The following NUDCD1 variants were observed in gnomAD, a reference collection of about 807,000 sequenced individuals.
The protein encoded by NUDCD1 is NudC domain containing 1, also known as nudC domain-containing protein 1.
NUDCD1 carries 60 observed loss-of-function variants against 67.8 expected under a neutral mutation model. That is an observed-to-expected ratio of 0.88 (90% CI 0.72 to 1.10). The LOEUF is 1.10. Among genes scored for constraint, NUDCD1 ranks in the 50% least tolerant of loss-of-function variants. NUDCD1 has a pLI of 0.00. For synonymous variants in NUDCD1, 244 were observed against 230.8 expected, an observed-to-expected ratio of 1.06 and a Z score of -0.52; for missense variants, 643 against 695.0, an observed-to-expected ratio of 0.93 and a Z score of 0.84.
intron 2 of NUDCD1, among the ~76,000 whole-genome samples, chr8:109,312,035 G>A (rs1408484443): frequency 1.3e-5 from 2 of 152,112 alleles, no homozygotes; most frequent in Admixed American, 1.3e-4. Context: ...GGGCGCGGTG[G>A]CTCATGCCTA....
chr8:109,270,090 A>AGGGGGGGGGGGGGGGGGGGAGGGG (rs1563665962), intron 8 of NUDCD1, among the ~76,000 whole-genome samples: 1 of 7,612 alleles, frequency 1.3e-4, no homozygotes, highest in Non-Finnish European at 2.5e-4. Flanking sequence ...GGGTGCCTTA[A>AGGGGGGGGGGGGGGGGGGGAGGGG]GGTGGGGTGT....
intron 8 of NUDCD1, among the ~76,000 whole-genome samples, chr8:109,260,787 T>C (rs1241131866): frequency 2.0e-5 from 3 of 152,204 alleles, no homozygotes; most frequent in African/African-American, 7.2e-5. Flanking sequence ...ATCACATAAA[T>C]TGCAATATTT....
chr8:109,265,580 T>C (rs1426744874), intron 8 of NUDCD1, among the ~76,000 whole-genome samples: 1 of 152,188 alleles, frequency 6.6e-6, no homozygotes, highest in Non-Finnish European at 1.5e-5. Flanking sequence ...GATGAGTTTA[T>C]TTAAAAGTTA....
At position 109,286,066 on chromosome 8, in the gene NUDCD1, A is replaced by G. The variant is rs1016635515; in HGVS notation, c.823+3685T>C. On this transcript the variant is annotated intron_variant, in intron 5 of 9. Coordinates refer to ENST00000239690, the MANE Select transcript of NUDCD1 (RefSeq NM_032869.4). The stretch of plus-strand genomic sequence containing the variant: ...TTTACTGTAGCTGCCAATAATAATA[A>G]TAATAATAAAATACCTAGGAATTCA... Among the ~76,000 whole-genome samples, 3 of 152,156 alleles carry G rather than the reference A, an allele frequency of 2.0e-5. No individual in the cohort carries two copies. The South Asian group carries it at 6.2e-4, about 32-fold the overall frequency.
At chr8:109,285,857 G>A (rs1814563084) in intron 5 of NUDCD1, among the ~76,000 whole-genome samples, 1 of 151,996 alleles carries the variant, frequency 6.6e-6, no homozygotes, top group Admixed American at 6.6e-5. Flanking sequence ...ATTAGGAAAA[G>A]TCAAACTTTG....
rs372318171 is a variant in NUDCD1, at chr8:109,333,088, G to A, written c.118+805C>T. On this transcript the variant is annotated intron_variant, in intron 1 of 9. Transcript: ENST00000239690. ...AGGACGTAACACAAAACAGGTACTC[G>A]GTAAATATTTCTGAATTTAATAAAT... is the stretch of plus-strand genomic sequence containing the variant. Among the ~76,000 whole-genome samples the A allele has an allele frequency of 5.3e-5, 8 of 152,206 alleles. 1 individual carries two copies. Among genetic ancestry groups the A allele is most frequent in the African/African-American group, 2.4e-5 (1 of 41,514 alleles).
At position 109,245,756 on chromosome 8, in the gene NUDCD1, A is replaced by G. The variant is rs550654301; in HGVS notation, c.1300-275T>C. On this transcript the variant is annotated intron_variant, in intron 8 of 9. Coordinates refer to ENST00000239690, the MANE Select transcript of NUDCD1 (RefSeq NM_032869.4). ...GAGCTGAAATTTGGACCCAGAGTCT[A>G]TGTTCTTAATCACCACGTGATATAC... 2.5e-4 allele frequency among the ~76,000 whole-genome samples: 38 copies of G among 152,302 alleles called. 1 individual carries two copies. In the South Asian group the frequency reaches 5.8e-3, roughly 23 times the overall value.
At chr8:109,249,756 G>T (rs759295616) in intron 8 of NUDCD1, among the ~76,000 whole-genome samples, 1 of 151,674 alleles carries the variant, frequency 6.6e-6, no homozygotes, top group Non-Finnish European at 1.5e-5. Context: ...AAACAAACTA[G>T]TCAATTTTTT....
intron 4 of NUDCD1, among the ~76,000 whole-genome samples, chr8:109,292,265 CAA>C (rs1563674237): frequency 6.6e-6 from 1 of 151,902 alleles, no homozygotes; most frequent in African/African-American, 2.4e-5. Flanking sequence ...ACTGGGATTT[CAA>C]AAAAGTTTTC....
At chr8:109,307,553 C>T (rs1278270178) in intron 2 of NUDCD1, among the ~76,000 whole-genome samples, 1 of 152,132 alleles carries the variant, frequency 6.6e-6, no homozygotes, top group Non-Finnish European at 1.5e-5. Context: ...ATAAATCACA[C>T]AGGACCTATG....
chr8:109,305,575 A>G (rs1815084796), intron 2 of NUDCD1, among the ~76,000 whole-genome samples: 1 of 152,156 alleles, frequency 6.6e-6, no homozygotes, highest in African/African-American at 2.4e-5. Flanking sequence ...TCGAGATACT[A>G]CAGGGTACAA....
At chr8:109,250,506 T>C (rs149983438) in intron 8 of NUDCD1, among the ~76,000 whole-genome samples, 4,948 of 152,314 alleles carry the variant, frequency 0.032, 99 homozygotes, top group Middle Eastern at 0.11. Context: ...ACTGCCTACC[T>C]GGGACTCCCA....
At chr8:109,289,095 C>A (rs1200796636) in intron 5 of NUDCD1, among the ~76,000 whole-genome samples, 3 of 151,922 alleles carry the variant, frequency 2.0e-5, no homozygotes, top group Non-Finnish European at 2.9e-5. Flanking sequence ...CCTGCCTCAG[C>A]CTCCCAAGTA....
chr8:109,265,777 T>C (rs1045705764), intron 8 of NUDCD1, among the ~76,000 whole-genome samples: 4 of 152,124 alleles, frequency 2.6e-5, no homozygotes, highest in African/African-American at 7.2e-5. Flanking sequence ...TCTAGATCCC[T>C]TGCATGCACA....
chr8:109,317,975 A>T (rs1012915455), intron 2 of NUDCD1, among the ~76,000 whole-genome samples: 1 of 152,234 alleles, frequency 6.6e-6, no homozygotes, highest in African/African-American at 2.4e-5. Context: ...TATAACATAT[A>T]AGTTACCTGA....
intron 2 of NUDCD1, among the ~76,000 whole-genome samples, chr8:109,319,804 C>G (rs1815488609): frequency 6.6e-6 from 1 of 152,122 alleles, no homozygotes. Flanking sequence ...CATCAGGGAG[C>G]CTGCCCCAAT....
At chr8:109,257,263 A>T (rs1011618039) in intron 8 of NUDCD1, among the ~76,000 whole-genome samples, 14 of 152,174 alleles carry the variant, frequency 9.2e-5, no homozygotes, top group Non-Finnish European at 2.1e-4. Context: ...TATCTACAAT[A>T]AAGTAACTGG....
At chr8:109,304,385 G>C (rs938778635) in intron 2 of NUDCD1, among the ~76,000 whole-genome samples, 3 of 151,990 alleles carry the variant, frequency 2.0e-5, no homozygotes, top group Non-Finnish European at 2.9e-5. Context: ...GATCACACTT[G>C]GTTTATTGAT....
At chr8:109,303,011 C>T (rs1815025128) in intron 2 of NUDCD1, among the ~76,000 whole-genome samples, 1 of 152,166 alleles carries the variant, frequency 6.6e-6, no homozygotes, top group South Asian at 2.1e-4. Context: ...TCCAGCACAC[C>T]AAAACTTCAA....
Sources: allele counts gnomAD v4.1 joint callset (sites outside exome capture counted in the v4.1 genomes callset), GRCh38; gene constraint gnomAD v4.1.1; transcripts MANE v1.5; gene names NCBI Gene and HGNC (gene_info 2026-07-23, HGNC 2026-07-21).